STRN3: variants seen among roughly 807,000 people sequenced by gnomAD.
STRN3 encodes the protein striatin 3, also known as striatin-3.
In STRN3, 29 loss-of-function variants were observed where a neutral mutation model predicts 95.6. The ratio of observed to expected loss-of-function variants is 0.30; its 90% CI spans 0.23 to 0.41. The LOEUF (loss-of-function observed/expected upper bound fraction) is 0.41. Ranked by LOEUF, STRN3 falls within the 10% of genes least tolerant of loss-of-function variation. The pLI is 1.00. For missense variants in STRN3, 890 were observed against 972.1 expected (o/e 0.92, Z 1.12); for synonymous variants, 331 against 357.6 (o/e 0.93, Z 0.84).
intron 13 of STRN3, 26 bp from the exon 14 acceptor site, chr14:30,907,070 A>C: frequency 6.3e-7 from 1 of 1,595,476 alleles, no homozygotes; most frequent in Non-Finnish European, 8.5e-7. Flanking sequence ...ACAAACAAAA[A>C]ATTAGGTAAA....
chr14:30,920,305 CCTAA>C (rs1318367694), intron 8 of STRN3, among the ~76,000 whole-genome samples: 1 of 152,020 alleles, frequency 6.6e-6, no homozygotes, highest in Non-Finnish European at 1.5e-5. Context: ...GTCTGAATTT[CCTAA>C]CTAATAATAA....
chr14:30,954,742 C>T (rs1280679090), intron 3 of STRN3, among the ~76,000 whole-genome samples: 1 of 152,078 alleles, frequency 6.6e-6, no homozygotes, highest in East Asian at 1.9e-4. Context: ...TTGCTTTATA[C>T]AAACTGTTAT....
At chr14:30,919,346 T>C (rs1034851217) in intron 8 of STRN3, among the ~76,000 whole-genome samples, 5 of 150,560 alleles carry the variant, frequency 3.3e-5, no homozygotes, top group South Asian at 4.2e-4. Flanking sequence ...ATTACATATA[T>C]GTCTCTCTCT....
chr14:30,985,525 A>G (rs1379189799), intron 1 of STRN3, among the ~76,000 whole-genome samples: 1 of 151,892 alleles, frequency 6.6e-6, no homozygotes, highest in Non-Finnish European at 1.5e-5. Context: ...AACCACTTCA[A>G]TCTGGTGGGC....
chr14:30,959,302 G>A (rs1037700786), intron 1 of STRN3, among the ~76,000 whole-genome samples: 39 of 152,056 alleles, frequency 2.6e-4, no homozygotes, highest in African/African-American at 9.2e-4. Flanking sequence ...CAGCCTGAGC[G>A]ACAGAGCAAG....
At chr14:30,929,177 A>T (rs762414290) in intron 8 of STRN3, 24 bp downstream of exon 8, 4 of 1,559,088 alleles carry the variant, frequency 2.6e-6, no homozygotes, top group Admixed American at 2.0e-5. Flanking sequence ...TACAAAAATT[A>T]TAATAGTCAG....
At chr14:31,021,693 G>C (rs1197095149) in intron 1 of STRN3, among the ~76,000 whole-genome samples, 1 of 152,162 alleles carries the variant, frequency 6.6e-6, no homozygotes. Flanking sequence ...AAAGAAAACA[G>C]TTTTGAAGGA....
At chr14:30,958,329 TAAAC>T (rs146197046) in intron 1 of STRN3, among the ~76,000 whole-genome samples, 1,601 of 152,040 alleles carry the variant, frequency 0.011, 15 homozygotes, top group Middle Eastern at 0.02. Context: ...AAAATAAAAA[TAAAC>T]AAATAAGCAG....
intron 1 of STRN3, among the ~76,000 whole-genome samples, chr14:30,977,127 G>A (rs1470789636): frequency 3.3e-5 from 5 of 152,142 alleles, no homozygotes; most frequent in Non-Finnish European, 5.9e-5. Context: ...TTGGGAGGCC[G>A]AGGCAGGAGA....
chr14:30,997,550 T>C (rs1350762192), intron 1 of STRN3, among the ~76,000 whole-genome samples: 2 of 152,192 alleles, frequency 1.3e-5, no homozygotes, highest in African/African-American at 4.8e-5. Flanking sequence ...GGCTCTGGCT[T>C]AAACCTTCCC....
intron 16 of STRN3, 89 bp downstream of exon 16, chr14:30,902,447 G>T: frequency 2.3e-6 from 2 of 870,220 alleles, no homozygotes; most frequent in East Asian, 2.9e-5. Flanking sequence ...TTTCGTATCT[G>T]AAAAGTCAAT....
chr14:30,914,911 C>CT (rs941811539), intron 9 of STRN3, among the ~76,000 whole-genome samples: 20 of 152,302 alleles, frequency 1.3e-4, no homozygotes, highest in African/African-American at 4.3e-4. Flanking sequence ...ATACATACTA[C>CT]TGACCAATTA....
chr14:30,935,183 G>T lies in STRN3; in HGVS notation c.968C>A (p.Ser323Ter). The T allele has an allele frequency of 1.2e-6, 2 of 1,613,822 alleles. No individual in the cohort carries two copies. Among genetic ancestry groups the T allele is most frequent in the Non-Finnish European group, 1.7e-6 (2 of 1,179,930 alleles). ...CTTACCCCATTCTGTGCCATCCCCC[G>T]AACTCCGTGCTTCTCCAGCTCCTTC... ...DGEGAGEARS[S>*]GDGTEWDKDD... Residue 323 changes from serine to a stop codon, truncating the protein, a stop_gained, in exon 7 of 18, where the codon TCG (serine) becomes TAG (stop). Transcript: ENST00000357479. LOFTEE classifies it high-confidence loss of function.
chr14:30,944,141 G>C (rs993419387), intron 5 of STRN3, among the ~76,000 whole-genome samples: 1 of 152,044 alleles, frequency 6.6e-6, no homozygotes, highest in East Asian at 1.9e-4. Context: ...ATGATACTAA[G>C]AGTGAGGGGG....
At chr14:30,939,541 G>A (rs1246541186) in intron 5 of STRN3, among the ~76,000 whole-genome samples, 3 of 152,082 alleles carry the variant, frequency 2.0e-5, no homozygotes, top group Admixed American at 1.3e-4. Context: ...GAATAATTTG[G>A]GGATCATGAG....
chr14:30,938,837 G>A lies in STRN3; in HGVS notation c.717-2213C>T, dbSNP rs575408971. On this transcript the variant is annotated intron_variant, in intron 5 of 17. Coordinates refer to ENST00000357479, the MANE Select transcript of STRN3 (RefSeq NM_001083893.2). ...AGACATTGCATCATAACGATAGGTG[G>A]AATGCAAATAAGCATATGAACAGAT... is the stretch of plus-strand genomic sequence containing the variant. Among the ~76,000 whole-genome samples, 13 of 152,272 alleles carry A rather than the reference G, an allele frequency of 8.5e-5. No homozygotes were observed. In the East Asian group the frequency reaches 2.5e-3, roughly 29 times the overall value.
At chr14:31,006,692 T>C (rs1048203718) in intron 1 of STRN3, among the ~76,000 whole-genome samples, 1 of 149,222 alleles carries the variant, frequency 6.7e-6, no homozygotes, top group Non-Finnish European at 1.5e-5. Flanking sequence ...TGAAACTCCA[T>C]CTCAAAAACA....
intron 1 of STRN3, among the ~76,000 whole-genome samples, chr14:30,994,211 G>T (rs1485977970): frequency 1.3e-5 from 2 of 151,840 alleles, no homozygotes; most frequent in African/African-American, 4.8e-5. Context: ...GGATGGTCTT[G>T]AACTCCTGAC....
At position 31,000,999 on chromosome 14, in the gene STRN3, G is replaced by A. The variant is rs551602810; in HGVS notation, c.282+24905C>T. 7.2e-5 allele frequency among the ~76,000 whole-genome samples: 11 copies of A among 152,266 alleles called. No homozygotes were observed. In the South Asian group the frequency reaches 2.3e-3, roughly 32 times the overall value. On this transcript the variant is annotated intron_variant, in intron 1 of 17. Coordinates refer to ENST00000357479, the MANE Select transcript of STRN3 (RefSeq NM_001083893.2). The stretch of plus-strand genomic sequence containing the variant: ...CACCAGATAGGGTTCTATTGTCTCC[G>A]TTAAGTAGGAGTTGTAAAGACATAT...
Sources: gnomAD v4.1 joint callset for allele counts (sites outside exome capture counted in the v4.1 genomes callset) on GRCh38, gnomAD v4.1.1 for gene constraint, MANE v1.5 for transcripts, NCBI Gene and HGNC (gene_info 2026-07-23, HGNC 2026-07-21) for gene names.